ATF7: variants seen among roughly 807,000 people sequenced by gnomAD.
ATF7 encodes the protein activating transcription factor 7.
Under a neutral mutation model 50.4 loss-of-function variants are expected in ATF7, and 10 were observed. That is an observed-to-expected ratio of 0.20 (90% CI 0.12 to 0.34). ATF7 has a LOEUF of 0.34. ATF7 is among the 10% of genes least tolerant of loss of function. The pLI is 1.00. For synonymous variants in ATF7, 201 were observed against 226.4 expected (o/e 0.89, Z 1.01); for missense variants, 465 against 613.9 (o/e 0.76, Z 2.56).
chr12:53,572,022 G>C (rs1016496043), intron 2 of ATF7, among the ~76,000 whole-genome samples: 1 of 151,606 alleles, frequency 6.6e-6, no homozygotes, highest in African/African-American at 2.4e-5. Context: ...AGCCGAGACA[G>C]TGCCACTGCA....
At chr12:53,592,568 T>G (rs1942990582) in intron 2 of ATF7, among the ~76,000 whole-genome samples, 1 of 152,226 alleles carries the variant, frequency 6.6e-6, no homozygotes, top group South Asian at 2.1e-4. Context: ...TCTCTGTGGT[T>G]AAATAGATTC....
chr12:53,618,320 A>C (rs1944226826), intron 1 of ATF7, among the ~76,000 whole-genome samples: 1 of 152,210 alleles, frequency 6.6e-6, no homozygotes, highest in Non-Finnish European at 1.5e-5. Flanking sequence ...TCTGCTTTCC[A>C]GGAGAATTCA....
rs1188192947 is a variant in ATF7, at chr12:53,531,739, C to T, written c.927+5G>A. 8 of 1,609,286 alleles carry T rather than the reference C, an allele frequency of 5.0e-6. No individual in the cohort carries two copies. Among genetic ancestry groups the T allele is most frequent in the African/African-American group, 1.3e-5 (1 of 74,838 alleles). On this transcript the variant is annotated splice_donor_5th_base_variant and intron_variant, in intron 9 of 11. Transcript: ENST00000420353. ...GATATGACATAAAGAGTAAGAGCCACTGACCTGTGGCTGGGCAGGGGATGG... is the reference window on the plus strand; with the variant it reads ...GATATGACATAAAGAGTAAGAGCCATTGACCTGTGGCTGGGCAGGGGATGG...
chr12:53,594,923 A>G (rs570671438), intron 2 of ATF7, among the ~76,000 whole-genome samples: 1 of 151,730 alleles, frequency 6.6e-6, no homozygotes, highest in South Asian at 2.1e-4. Flanking sequence ...TCCCAGTCCC[A>G]GTTTTGTCTA....
intron 2 of ATF7, among the ~76,000 whole-genome samples, chr12:53,571,998 C>T (rs959706532): frequency 2.6e-5 from 4 of 151,376 alleles, no homozygotes; most frequent in Non-Finnish European, 5.9e-5. Flanking sequence ...ACCTGAGAGA[C>T]GGAGGTTGCA....
chr12:53,611,327 G>T (rs554251622), intron 1 of ATF7, among the ~76,000 whole-genome samples: 4 of 152,056 alleles, frequency 2.6e-5, no homozygotes, highest in African/African-American at 9.6e-5. Context: ...AAATTAGCTG[G>T]GCATGGTGGC....
chr12:53,523,789 C>T (rs1938262569), intron 10 of ATF7, among the ~76,000 whole-genome samples: 1 of 152,170 alleles, frequency 6.6e-6, no homozygotes, highest in Non-Finnish European at 1.5e-5. Flanking sequence ...TACCTTATAA[C>T]ATCACTACAC....
intron 2 of ATF7, among the ~76,000 whole-genome samples, chr12:53,593,959 A>G (rs532255292): frequency 2.0e-5 from 3 of 152,388 alleles, no homozygotes; most frequent in Admixed American, 1.3e-4. Flanking sequence ...TCTGCATTAA[A>G]GAAATACGCT....
intron 1 of ATF7, among the ~76,000 whole-genome samples, chr12:53,613,374 T>C (rs1303264225): frequency 2.0e-5 from 3 of 152,212 alleles, no homozygotes; most frequent in Admixed American, 1.3e-4. Flanking sequence ...TTAAACAAAA[T>C]AGTTATTTAT....
At chr12:53,532,437 T>C in intron 8 of ATF7, 73 bp downstream of exon 8, 1 of 1,257,718 alleles carries the variant, frequency 8.0e-7, no homozygotes, top group Non-Finnish European at 1.1e-6. Context: ...CTTGGCTCAC[T>C]TGAAAGACCT....
At chr12:53,597,052 G>A (rs755251783) in intron 2 of ATF7, among the ~76,000 whole-genome samples, 1 of 152,118 alleles carries the variant, frequency 6.6e-6, no homozygotes, top group Non-Finnish European at 1.5e-5. Context: ...CTTTCCCTGA[G>A]TTCCTCTTCA....
intron 2 of ATF7, among the ~76,000 whole-genome samples, chr12:53,557,375 T>C (rs1003180049): frequency 2.6e-5 from 4 of 151,842 alleles, no homozygotes; most frequent in Non-Finnish European, 5.9e-5. Context: ...GCAATTTTTG[T>C]ATTTTTTGTA....
chr12:53,600,323 A>C (rs565505608), intron 2 of ATF7, among the ~76,000 whole-genome samples: 1 of 152,258 alleles, frequency 6.6e-6, no homozygotes, highest in African/African-American at 2.4e-5. Context: ...TGCAGGTTGA[A>C]GAGAAAACAT....
intron 9 of ATF7, among the ~76,000 whole-genome samples, chr12:53,528,041 C>A (rs1938581857): frequency 6.6e-6 from 1 of 151,756 alleles, no homozygotes; most frequent in Non-Finnish European, 1.5e-5. Flanking sequence ...CAGGGTTTCA[C>A]CGTGTTAGCC....
At position 53,524,425 on chromosome 12, in the gene ATF7, T is replaced by C. The variant is rs1938317836; in HGVS notation, c.1125+139A>G. 3 of 985,772 alleles carry C rather than the reference T, an allele frequency of 3.0e-6. No individual in the cohort carries two copies. Among genetic ancestry groups the C allele is most frequent in the Admixed American group, 2.6e-5 (1 of 38,190 alleles). The allele number at this position is 985,772 out of a possible 1,614,324, so 61.1% of individuals were successfully genotyped here. On this transcript the variant is annotated intron_variant, in intron 10 of 11. Coordinates refer to ENST00000420353, the MANE Select transcript of ATF7 (RefSeq NM_006856.3). The surrounding 1 kb of genome is among the most constrained non-coding windows in gnomAD (Gnocchi z 4.6). Reference sequence around the variant, plus strand: ...TGAAAGAGATTTCAACTCTGACCGTTAAGAGATTCTTCATGGGACAACTAG... The same window carrying C: ...TGAAAGAGATTTCAACTCTGACCGTCAAGAGATTCTTCATGGGACAACTAG...
intron 1 of ATF7, among the ~76,000 whole-genome samples, chr12:53,621,788 C>CA (rs559780353): frequency 0.031 from 2,534 of 81,168 alleles, 64 homozygotes; most frequent in East Asian, 0.1. Context: ...GACTCTGTCT[C>CA]AAAAAAAAAA....
intron 9 of ATF7, among the ~76,000 whole-genome samples, chr12:53,531,172 GC>G (rs1285130119): frequency 6.6e-6 from 1 of 151,908 alleles, no homozygotes; most frequent in East Asian, 2.0e-4. Context: ...TGGAATCCCA[GC>G]ATTCTGGGAG....
At chr12:53,614,930 A>C (rs937962075) in intron 1 of ATF7, among the ~76,000 whole-genome samples, 3 of 151,662 alleles carry the variant, frequency 2.0e-5, no homozygotes, top group Non-Finnish European at 4.4e-5. Flanking sequence ...AAAATACAAA[A>C]TTAGCCAGGC....
At chr12:53,562,544 G>A (rs1403570525) in intron 2 of ATF7, among the ~76,000 whole-genome samples, 1 of 152,052 alleles carries the variant, frequency 6.6e-6, no homozygotes, top group Non-Finnish European at 1.5e-5. Flanking sequence ...TCGGGAGGCT[G>A]AGGCAGGAGA....
Sources: allele counts gnomAD v4.1 joint callset (sites outside exome capture counted in the v4.1 genomes callset), GRCh38; gene constraint gnomAD v4.1.1; non-coding constraint Gnocchi (gnomAD v3.1); transcripts MANE v1.5; gene names NCBI Gene and HGNC (gene_info 2026-07-23, HGNC 2026-07-21).